Variants in TENM3 observed in about 807,000 individuals in gnomAD.
TENM3 encodes teneurin transmembrane protein 3, also known as teneurin-3.
In TENM3, 63 loss-of-function variants were observed where a neutral mutation model predicts 255.1. That is an observed-to-expected ratio of 0.25 (90% CI 0.20 to 0.30). The LOEUF is 0.30. Among genes scored for constraint, TENM3 ranks in the 10% least tolerant of loss-of-function variants. TENM3 has a pLI of 1.00. For synonymous variants in TENM3, 1,306 were observed against 1,322.3 expected, an observed-to-expected ratio of 0.99 and a Z score of 0.27; for missense variants, 2,929 against 3,461.1, an observed-to-expected ratio of 0.85 and a Z score of 3.86.
the TENM3 span, among the ~76,000 whole-genome samples, chr4:181,770,529 G>T: frequency 1.3e-5 from 2 of 152,052 alleles, no homozygotes; most frequent in African/African-American, 2.4e-5. Flanking sequence ...AAATAAATTA[G>T]ATGGGCGTGG....
At chr4:181,973,252 C>T in the TENM3 span, among the ~76,000 whole-genome samples, 1 of 152,112 alleles carries the variant, frequency 6.6e-6, no homozygotes, top group Non-Finnish European at 1.5e-5. Flanking sequence ...AATTTGCCAT[C>T]GCTGGTCTAG....
intron 1 of TENM3, among the ~76,000 whole-genome samples, chr4:182,264,388 A>G (rs548671735): frequency 6.6e-6 from 1 of 152,356 alleles, no homozygotes; most frequent in South Asian, 2.1e-4. Context: ...GGAACTTTAC[A>G]TTTTAACCAC....
chr4:182,501,696 A>G (rs1241621282), intron 3 of TENM3, among the ~76,000 whole-genome samples: 1 of 152,168 alleles, frequency 6.6e-6, no homozygotes, highest in Non-Finnish European at 1.5e-5. Flanking sequence ...TTTAAATATT[A>G]TCTGTTGACA....
At chr4:182,120,669 G>GAGAAAAGGAAATTTGAATAAAGACTTCA in the TENM3 span, among the ~76,000 whole-genome samples, 1 of 152,162 alleles carries the variant, frequency 6.6e-6, no homozygotes, top group African/African-American at 2.4e-5. Flanking sequence ...AAACTTCCTT[G>GAGAAAAGGAAATTTGAATAAAGACTTCA]AGAAAAGGAA....
intron 1 of TENM3, among the ~76,000 whole-genome samples, chr4:182,176,644 T>G (rs554365194): frequency 9.9e-4 from 151 of 152,082 alleles, no homozygotes; most frequent in African/African-American, 3.4e-3. Flanking sequence ...ACATATAAAT[T>G]TTTAAAATTT....
At chr4:181,592,948 A>C in the TENM3 span, among the ~76,000 whole-genome samples, 1 of 152,122 alleles carries the variant, frequency 6.6e-6, no homozygotes, top group Non-Finnish European at 1.5e-5. Context: ...ACACAAAAGA[A>C]ATTATGGGAT....
intron 1 of TENM3, among the ~76,000 whole-genome samples, chr4:182,300,117 T>C (rs749542004): frequency 2.1e-4 from 32 of 152,276 alleles, no homozygotes; most frequent in Non-Finnish European, 2.2e-4. Context: ...GGTTTCACCA[T>C]GTTGGCAAGG....
At chr4:181,473,091 AT>A in the TENM3 span, among the ~76,000 whole-genome samples, 2 of 151,870 alleles carry the variant, frequency 1.3e-5, no homozygotes, top group Non-Finnish European at 2.9e-5. Flanking sequence ...ATTAAACAAT[AT>A]TTCATTAAAC....
chr4:182,456,231 C>T (rs900699466), intron 3 of TENM3, among the ~76,000 whole-genome samples: 1 of 152,166 alleles, frequency 6.6e-6, no homozygotes, highest in Admixed American at 6.5e-5. Context: ...ACTGGCCTGT[C>T]CGTGCTGTCA....
At chr4:181,876,776 G>T in the TENM3 span, among the ~76,000 whole-genome samples, 1 of 151,846 alleles carries the variant, frequency 6.6e-6, no homozygotes. Flanking sequence ...ATTTTGAACG[G>T]AATTTTGATG....
intron 19 of TENM3, among the ~76,000 whole-genome samples, chr4:182,745,315 C>T (rs955144476): frequency 1.3e-5 from 2 of 152,192 alleles, no homozygotes; most frequent in African/African-American, 4.8e-5. Context: ...TTCATCTCCC[C>T]AGGATACTGA....
chr4:181,695,775 A>T, the TENM3 span, among the ~76,000 whole-genome samples: 2 of 152,218 alleles, frequency 1.3e-5, no homozygotes, highest in African/African-American at 2.4e-5. Flanking sequence ...AACTTTGTAG[A>T]TTAAAAAACA....
intron 3 of TENM3, among the ~76,000 whole-genome samples, chr4:182,357,127 T>G (rs1457663141): frequency 1.3e-5 from 2 of 152,174 alleles, no homozygotes; most frequent in African/African-American, 2.4e-5. Flanking sequence ...TTGTTGGACA[T>G]TTGGGTTGGT....
chr4:181,469,088 C>G, the TENM3 span, among the ~76,000 whole-genome samples: 1 of 151,980 alleles, frequency 6.6e-6, no homozygotes, highest in East Asian at 1.9e-4. Flanking sequence ...ATTTTTTGAT[C>G]GAGTGGCTTT....
chr4:182,410,076 C>G (rs1371491716), intron 3 of TENM3, among the ~76,000 whole-genome samples: 1 of 152,198 alleles, frequency 6.6e-6, no homozygotes, highest in Non-Finnish European at 1.5e-5. Flanking sequence ...GTCTGCCTGC[C>G]TTGGGCTCCC....
the TENM3 span, among the ~76,000 whole-genome samples, chr4:182,077,897 T>A: frequency 2.0e-5 from 3 of 152,136 alleles, no homozygotes; most frequent in African/African-American, 7.2e-5. Flanking sequence ...CTTGTTGAGG[T>A]GTGACCTCAT....
rs886632149 is a variant in TENM3 at position 182,189,233 on chromosome 4, C to A, written c.-76+44479C>A. 2.0e-5 allele frequency among the ~76,000 whole-genome samples: 3 copies of A among 151,824 alleles called. No homozygotes were observed. The East Asian group carries it at 5.8e-4, about 29-fold the overall frequency. On this transcript the variant is annotated intron_variant, in intron 1 of 2. Transcript: ENST00000512480. ...CTTGGTGGCCTTTCTTCTCCCGGTGCTGGAAGACTATGTAACTCTAGCTCA... is the reference window on the plus strand; with the variant it reads ...CTTGGTGGCCTTTCTTCTCCCGGTGATGGAAGACTATGTAACTCTAGCTCA...
chr4:182,059,789 T>G, the TENM3 span, among the ~76,000 whole-genome samples: 1 of 148,054 alleles, frequency 6.8e-6, no homozygotes, highest in Non-Finnish European at 1.5e-5. Context: ...AAAAATTCAC[T>G]GGACATGGTA....
chr4:181,622,286 T>G, the TENM3 span, among the ~76,000 whole-genome samples: 1 of 152,162 alleles, frequency 6.6e-6, no homozygotes, highest in Non-Finnish European at 1.5e-5. Flanking sequence ...CTTGCAGCTC[T>G]TGGATTGTAC....
Sources: gnomAD v4.1 joint callset for allele counts (sites outside exome capture counted in the v4.1 genomes callset) on GRCh38, gnomAD v4.1.1 for gene constraint, MANE v1.5 for transcripts, NCBI Gene and HGNC (gene_info 2026-07-23, HGNC 2026-07-21) for gene names.